Variants in PCDHA7 observed in about 807,000 individuals in gnomAD.
PCDHA7 encodes the protein protocadherin alpha-7.
In PCDHA7, 37 loss-of-function variants were observed where a neutral mutation model predicts 57.2. The ratio of observed to expected loss-of-function variants is 0.65; its 90% CI spans 0.50 to 0.85. PCDHA7 has a LOEUF of 0.85. Among genes scored for constraint, PCDHA7 ranks in the 40% least tolerant of loss-of-function variants. PCDHA7 has a pLI of 0.00. For missense variants in PCDHA7, 1,188 were observed against 1,241.8 expected (o/e 0.96, Z 0.65); for synonymous variants, 553 against 558.8 (o/e 0.99, Z 0.15).
chr5:140,855,822 A>G (rs1409014183), intron 1 of PCDHA7: 5 of 538,132 alleles, frequency 9.3e-6, no homozygotes, highest in South Asian at 3.1e-5. Flanking sequence ...TTGTGAACTC[A>G]TGGAATCGTA....
intron 1 of PCDHA7, among the ~76,000 whole-genome samples, chr5:140,911,657 ACTC>A (rs782570659): frequency 1.1e-4 from 16 of 151,986 alleles, no homozygotes; most frequent in Non-Finnish European, 1.6e-4. Flanking sequence ...GAGTTACTAA[ACTC>A]CTTGCCTCTC....
intron 1 of PCDHA7, chr5:140,968,431 G>T: frequency 6.2e-7 from 1 of 1,613,980 alleles, no homozygotes; most frequent in South Asian, 1.1e-5. Flanking sequence ...AGGACAAGGG[G>T]AGCCCACCAC....
chr5:140,934,688 A>G (rs1554210048), intron 1 of PCDHA7, among the ~76,000 whole-genome samples: 2 of 152,186 alleles, frequency 1.3e-5, no homozygotes, highest in African/African-American at 4.8e-5. Flanking sequence ...CAAAACAATG[A>G]ATTGATTCCT....
intron 1 of PCDHA7, among the ~76,000 whole-genome samples, chr5:140,911,590 C>A (rs778543832): frequency 3.3e-5 from 5 of 152,156 alleles, no homozygotes; most frequent in Non-Finnish European, 4.4e-5. Context: ...TAGGAGGAAC[C>A]AACCAACTTC....
intron 1 of PCDHA7, among the ~76,000 whole-genome samples, chr5:140,908,968 C>T (rs1201886997): frequency 6.6e-6 from 1 of 152,092 alleles, no homozygotes; most frequent in African/African-American, 2.4e-5. Flanking sequence ...TCTTGATAGG[C>T]CCCACTCCAC....
At chr5:140,903,454 A>G (rs1554190971) in intron 1 of PCDHA7, among the ~76,000 whole-genome samples, 1 of 152,208 alleles carries the variant, frequency 6.6e-6, no homozygotes, top group Non-Finnish European at 1.5e-5. Flanking sequence ...ATCTGATCAA[A>G]CTTAAAATAT....
At position 140,969,614 on chromosome 5, in the gene PCDHA7, T is replaced by G. The variant is rs56144348; in HGVS notation, c.2356-9335T>G. The G allele has an allele frequency of 1.3e-3, 977 of 725,126 alleles. 8 individuals are homozygous for G. In the African/African-American group the frequency reaches 0.016, roughly 12 times the overall value. 44.9% of individuals were successfully genotyped at this position (725,126 alleles called of 1,614,324 possible). A position where few individuals can be genotyped will look rare whatever the true frequency, so the allele number is the denominator to read the frequency against. ...AATATTTAATGCTAAAACACAGATT[T>G]GTAGAGAAACAGGACAGGCCTTGGA... On this transcript the variant is annotated intron_variant, in intron 1 of 3. Transcript: ENST00000525929.
At chr5:140,854,871 T>A (rs2043250879) in intron 1 of PCDHA7, among the ~76,000 whole-genome samples, 2 of 149,910 alleles carry the variant, frequency 1.3e-5, no homozygotes, top group South Asian at 4.2e-4. Context: ...ATTTCAGAAC[T>A]GTGTCTTTTG....
intron 3 of PCDHA7, among the ~76,000 whole-genome samples, chr5:141,000,397 A>C (rs590627): frequency 0.074 from 4,330 of 58,694 alleles, 135 homozygotes; most frequent in Non-Finnish European, 0.096. Flanking sequence ...CTCTCTCTCT[A>C]TATATATATA....
At chr5:140,966,233 C>T (rs1554228161) in intron 1 of PCDHA7, 1 of 287,374 alleles carries the variant, frequency 3.5e-6, no homozygotes, top group Non-Finnish European at 6.4e-6. Flanking sequence ...CCTTAAAGAC[C>T]CGTTAAGCAG....
intron 1 of PCDHA7, chr5:140,870,575 A>G (rs2052179546): frequency 6.2e-7 from 1 of 1,613,690 alleles, no homozygotes; most frequent in Admixed American, 1.7e-5. Flanking sequence ...CTGGTGTCCT[A>G]CTCGCTGGTG....
intron 1 of PCDHA7, chr5:140,875,303 C>T (rs2055408923): frequency 2.1e-6 from 3 of 1,414,848 alleles, no homozygotes; most frequent in Admixed American, 2.9e-5. Context: ...TTTTTCTCCG[C>T]ACCCACATTC....
chr5:140,878,800 A>T (rs1324441458), intron 1 of PCDHA7, among the ~76,000 whole-genome samples: 1 of 152,182 alleles, frequency 6.6e-6, no homozygotes, highest in Non-Finnish European at 1.5e-5. Context: ...CTTTTTAAAA[A>T]CATATGGGGG....
rs149711844 is a variant in PCDHA7 at position 140,884,286 on chromosome 5, G to T, written c.2355+47548G>T. On this transcript the variant is annotated intron_variant, in intron 1 of 3. Coordinates refer to ENST00000525929, the MANE Select transcript of PCDHA7 (RefSeq NM_018910.3). ...GTGCTGTTGTCGCTGGTGGAGAGCG[G>T]CCAAGCGCCACAGGCTTCGTCGAGG... 1.6e-4 allele frequency: 258 copies of T among 1,613,626 alleles called. No individual in the cohort carries two copies. The highest frequency in any genetic ancestry group is 2.1e-4 in the Non-Finnish European group (242 of 1,179,820).
chr5:140,835,258 A>G lies in PCDHA7; in HGVS notation c.875A>G (p.Lys292Arg), dbSNP rs2150232835. The G allele has an allele frequency of 1.2e-6, 2 of 1,607,720 alleles. No homozygotes were observed. Among genetic ancestry groups the G allele is most frequent in the African/African-American group, 1.4e-5 (1 of 73,670 alleles). Residue 292 changes from lysine (K) to arginine (R), a missense_variant, in exon 1 of 4, where the codon AAG becomes AGG. Around this residue, in one of 3 missense-constraint regions of PCDHA7, gnomAD observed 102 missense variants for 267.4 expected, o/e 0.38. Transcript: ENST00000525929. ...GATGTTTCTCCAGATATAAAATCCA[A>G]GTTCCACATGGACCCCTTAAGTGGG... ...SSDVSPDIKS[K>R]FHMDPLSGAI...
intron 1 of PCDHA7, among the ~76,000 whole-genome samples, chr5:140,908,870 T>C (rs1221082339): frequency 6.6e-6 from 1 of 152,136 alleles, no homozygotes; most frequent in Non-Finnish European, 1.5e-5. Flanking sequence ...ATGTGTTGCC[T>C]CCAAAATCCA....
chr5:140,935,118 T>G (rs189908862), intron 1 of PCDHA7, among the ~76,000 whole-genome samples: 6 of 152,324 alleles, frequency 3.9e-5, no homozygotes, highest in Admixed American at 3.3e-4. Flanking sequence ...AGCTTTCACT[T>G]ATTTTTAGTG....
At position 140,946,611 on chromosome 5, in the gene PCDHA7, A is replaced by AATATATATATATATATAT. The variant is rs1554217734; in HGVS notation, c.2356-32334_2356-32317dup. Among the ~76,000 whole-genome samples, 487 of 86,718 alleles carry AATATATATATATATATAT rather than the reference A, an allele frequency of 5.6e-3. 17 individuals are homozygous for AATATATATATATATATAT. The highest frequency in any genetic ancestry group is 0.01 in the African/African-American group (158 of 15,660). 56.9% of individuals were successfully genotyped at this position (86,718 alleles called of 152,430 possible). The stretch of plus-strand genomic sequence containing the variant: ...GGATGAATAGATAAAGAAAATGTGA[A>AATATATATATATATATAT]ATATATATATATATATATATACAAT... On this transcript the variant is annotated intron_variant, in intron 1 of 3. Coordinates refer to ENST00000525929, the MANE Select transcript of PCDHA7 (RefSeq NM_018910.3).
intron 1 of PCDHA7, chr5:140,967,277 A>G: frequency 6.2e-7 from 1 of 1,613,326 alleles, no homozygotes; most frequent in African/African-American, 1.3e-5. Context: ...TCACATAGAG[A>G]GTGCGCAGGA....
Sources: allele counts gnomAD v4.1 joint callset (sites outside exome capture counted in the v4.1 genomes callset), GRCh38; gene constraint gnomAD v4.1.1; regional missense constraint gnomAD v4.1.1; transcripts MANE v1.5; gene names NCBI Gene and HGNC (gene_info 2026-07-23, HGNC 2026-07-21).